The following TDRD6 variants were observed in gnomAD, a reference collection of about 807,000 sequenced individuals.
TDRD6 encodes tudor domain-containing protein 6.
TDRD6 carries 186 observed loss-of-function variants against 157.5 expected under a neutral mutation model. The ratio of observed to expected loss-of-function variants is 1.18; its 90% confidence interval spans 1.05 to 1.33. TDRD6 has a LOEUF of 1.33. Ranked by LOEUF, TDRD6 falls within the 40% of genes most tolerant of loss-of-function variation. The pLI, the probability that TDRD6 is intolerant of heterozygous loss-of-function variation, is 0.00. For missense variants in TDRD6, 3,066 were observed against 2,508.0 expected (o/e 1.22, Z -4.75); for synonymous variants, 1,075 against 945.2 (o/e 1.14, Z -2.52).
chr6:46,691,951 A>T lies in TDRD6; in HGVS notation c.3823A>T (p.Thr1275Ser). The change falls in exon 1 of 4, where the codon ACT becomes TCT. Residue 1275 changes from threonine to serine, a missense_variant. Transcript: ENST00000316081. Reference sequence around the variant, plus strand: ...CTTGAAAACAGCAAGAGTAGAAGCTACTCTTTCAGAGAGAAAAATAGGAGA... The same window carrying T: ...CTTGAAAACAGCAAGAGTAGAAGCTTCTCTTTCAGAGAGAAAAATAGGAGA... ...TPLKTARVEA[T>S]LSERKIGDSC... The T allele has an allele frequency of 6.2e-7, 1 of 1,612,368 alleles. No individual in the cohort carries two copies. The highest frequency in any genetic ancestry group is 8.5e-7 in the Non-Finnish European group (1 of 1,179,618).
chr6:46,696,577 GTGTGTATATA>G (rs1562060520), intron 2 of TDRD6, among the ~76,000 whole-genome samples: 4 of 47,236 alleles, frequency 8.5e-5, no homozygotes, highest in African/African-American at 3.5e-4. Flanking sequence ...GTGTGTGTGT[GTGTGTATATA>G]TATATATATA....
Position 46,690,045 on chromosome 6 carries a change from T to C in TDRD6, c.1917T>C (p.His639=). 7 of 1,614,038 alleles carry C rather than the reference T, an allele frequency of 4.3e-6. No individual in the cohort carries two copies. The highest frequency in any genetic ancestry group is 5.9e-6 in the Non-Finnish European group (7 of 1,179,980). The change falls in exon 1 of 4, where the codon CAT becomes CAC. Residue 639 remains histidine, a synonymous_variant. Coordinates refer to ENST00000316081, the MANE Select transcript of TDRD6 (RefSeq NM_001010870.3). The stretch of plus-strand genomic sequence containing the variant: ...TCCATATTCTTGATAAACAGGATCA[T>C]CAATATGTTATTGAGATTCTTGACG... ...LVIHILDKQD[H]QYVIEILDES...
chr6:46,688,017 G>T lies in TDRD6; in HGVS notation c.-112G>T, dbSNP rs1764152900. 7.3e-6 allele frequency: 10 copies of T among 1,373,656 alleles called. No homozygotes were observed. Among genetic ancestry groups the T allele is most frequent in the Admixed American group, 7.1e-5 (2 of 28,050 alleles). 85.1% of individuals were successfully genotyped at this position (1,373,656 alleles called of 1,614,324 possible). ...CGCCGGCATTCTTCCCCTCCACTGG[G>T]TCCTTTGAACCTAGTTTGGCTGGGA... On this transcript the variant is annotated 5_prime_UTR_variant, in exon 1 of 4. Transcript: ENST00000316081.
chr6:46,691,504 G>C lies in TDRD6; in HGVS notation c.3376G>C (p.Ala1126Pro), dbSNP rs1266024463. 2 of 1,614,014 alleles carry C rather than the reference G, an allele frequency of 1.2e-6. No homozygotes were observed. The highest frequency in any genetic ancestry group is 8.5e-7 in the Non-Finnish European group (1 of 1,179,944). The change falls in exon 1 of 4, where the codon GCT becomes CCT. Residue 1126 changes from alanine to proline, a missense_variant. By Grantham distance (27) the Ala-to-Pro change is conservative. Transcript: ENST00000316081. ...GACTATTTTAGATAAGTCATTGAAG[G>C]CTTTAGTTGTAGCAAAAGATCCAGA... ...QETILDKSLK[A>P]LVVAKDPDGT...
rs754858563 is a variant in TDRD6, at chr6:46,693,863, C to G, written c.5735C>G (p.Ala1912Gly). The change falls in exon 1 of 4, where the codon GCC becomes GGC. Residue 1912 changes from alanine (A) to glycine (G), a missense_variant. Ala to Gly is a moderately conservative substitution (Grantham distance 60, BLOSUM62 0). Transcript: ENST00000316081. ...EKQPELELPTAQLPLDDKMDP... is the reference protein window; with the variant it reads ...EKQPELELPTGQLPLDDKMDP... ...CAGCCAGAACTAGAACTACCTACAG[C>G]CCAGCTGCCTTTAGATGACAAGATG... is the stretch of plus-strand genomic sequence containing the variant. 2 of 1,614,188 alleles carry G rather than the reference C, an allele frequency of 1.2e-6. No homozygotes were observed. The highest frequency in any genetic ancestry group is 1.7e-6 in the Non-Finnish European group (2 of 1,180,034).
In TDRD6 at chr6:46,690,488, T is replaced by G; in HGVS notation, c.2360T>G (p.Phe787Cys). The change falls in exon 1 of 4, where the codon TTC (phenylalanine) becomes TGC (cysteine). Residue 787 changes from phenylalanine to cysteine, a missense_variant. Physicochemically the swap from Phe to Cys is radical, Grantham distance 205. Coordinates refer to ENST00000316081, the MANE Select transcript of TDRD6 (RefSeq NM_001010870.3). The stretch of plus-strand genomic sequence containing the variant: ...TCTTATGTTGAAAACCCTGGCTATT[T>G]CTGGTGTCAGCTGACCAGGAACATA... ...RVSYVENPGY[F>C]WCQLTRNIQG... is the part of the protein sequence containing the mutation. 1 of 1,614,096 alleles carries G rather than the reference T, an allele frequency of 6.2e-7. No individual in the cohort carries two copies. Among genetic ancestry groups the G allele is most frequent in the Non-Finnish European group, 8.5e-7 (1 of 1,179,954 alleles).
upstream of TDRD6, among the ~76,000 whole-genome samples, chr6:46,683,257 T>G (rs1266470570): frequency 6.6e-6 from 1 of 151,934 alleles, no homozygotes; most frequent in African/African-American, 2.4e-5. Context: ...CAATTGGATA[T>G]CCATATATAA....
In TDRD6 at chr6:46,688,931, A is replaced by G. The variant is rs1209620874; in HGVS notation, c.803A>G (p.Gln268Arg). The change falls in exon 1 of 4, where the codon CAG (glutamine) becomes CGG (arginine). Residue 268 changes from glutamine (Q) to arginine (R), a missense_variant. Coordinates refer to ENST00000316081, the MANE Select transcript of TDRD6 (RefSeq NM_001010870.3). ...TGCCATCCCCACCGCATTCACTGCC[A>G]GCTCCGCAGCGTCTCGCAGGAGATC... ...QVCHPHRIHC[Q>R]LRSVSQEIHR... 3.7e-6 allele frequency: 6 copies of G among 1,610,178 alleles called. No individual in the cohort carries two copies. Among genetic ancestry groups the G allele is most frequent in the Non-Finnish European group, 4.2e-6 (5 of 1,177,628 alleles).
chr6:46,697,879 C>G, intron 2 of TDRD6, 119 bp from the exon 3 acceptor site: 1 of 514,216 alleles, frequency 1.9e-6, no homozygotes, highest in Non-Finnish European at 3.3e-6. Context: ...TAGAGCAAGA[C>G]CCTATCTCAA....
At position 46,692,931 on chromosome 6, in the gene TDRD6, G is replaced by A. The variant is rs777908981; in HGVS notation, c.4803G>A (p.Arg1601=). The A allele has an allele frequency of 1.8e-5, 29 of 1,614,062 alleles. No individual in the cohort carries two copies. Among genetic ancestry groups the A allele is most frequent in the Middle Eastern group, 1.6e-4 (1 of 6,062 alleles). Residue 1601 remains arginine, a synonymous_variant, in exon 1 of 4, where the codon AGG becomes AGA. Coordinates refer to ENST00000316081, the MANE Select transcript of TDRD6 (RefSeq NM_001010870.3). ...GTGAAGATTATCTTGTATCTGTCAG[G>A]CTTGTGGACTTTGGAAACATTGAAG... The part of the protein sequence containing the change: ...NICEDYLVSV[R]LVDFGNIEDC...
chr6:46,698,675 A>G (rs988785611), intron 3 of TDRD6, among the ~76,000 whole-genome samples: 3 of 152,188 alleles, frequency 2.0e-5, no homozygotes, highest in African/African-American at 7.2e-5. Context: ...TGATAGTTTT[A>G]ATATCTGGTC....
Position 46,692,303 on chromosome 6 carries a change from A to G in TDRD6, c.4175A>G (p.Asn1392Ser), listed in dbSNP as rs760091331. Residue 1392 changes from asparagine (N) to serine (S), a missense_variant, in exon 1 of 4, where the codon AAT becomes AGT. Asn to Ser is a conservative substitution (Grantham distance 46, BLOSUM62 1). Transcript: ENST00000316081. ...LLSVQFIDYG[N>S]VSVVHTNKIG... The stretch of plus-strand genomic sequence containing the variant: ...TCTGTGCAGTTTATAGATTATGGCA[A>G]TGTTTCTGTGGTTCATACTAACAAA... The G allele has an allele frequency of 3.7e-6, 6 of 1,614,140 alleles. No homozygotes were observed. Among genetic ancestry groups the G allele is most frequent in the East Asian group, 2.2e-5 (1 of 44,870 alleles).
Position 46,689,773 on chromosome 6 carries a change from G to T in TDRD6, c.1645G>T (p.Glu549Ter). The change falls in exon 1 of 4, where the codon GAA (glutamate) becomes TAA (stop). Residue 549 changes from glutamate (E) to a stop codon, truncating the protein, a stop_gained. Coordinates refer to ENST00000316081, the MANE Select transcript of TDRD6 (RefSeq NM_001010870.3). LOFTEE classifies it high-confidence loss of function. ...TGACCTTTGCTGTGTCAAGTGGAAA[G>T]AAAATGGTTATTATAGGGCCATAGT... ...PDDLCCVKWK[E>*]NGYYRAIVTK... 1 of 1,614,226 alleles carries T rather than the reference G, an allele frequency of 6.2e-7. No individual in the cohort carries two copies. The highest frequency in any genetic ancestry group is 8.5e-7 in the Non-Finnish European group (1 of 1,180,046).
chr6:46,700,256 G>A lies in TDRD6; in HGVS notation c.6262-1602G>A, dbSNP rs145175055. On this transcript the variant is annotated intron_variant, in intron 3 of 3. Transcript: ENST00000316081. ...ATAAGTAAATAGATAACTACCTCTG[G>A]CTTTGACTAGGCCAGTTAGCAGACA... Among the ~76,000 whole-genome samples, 557 of 152,232 alleles carry A rather than the reference G, an allele frequency of 3.7e-3. 5 individuals are homozygous for A. Among genetic ancestry groups the A allele is most frequent in the African/African-American group, 0.013 (530 of 41,542 alleles).
rs1165561412 is a variant in TDRD6 at position 46,689,902 on chromosome 6, C to T, written c.1774C>T (p.Gln592Ter). Residue 592 changes from glutamine (Q) to a stop codon, truncating the protein, a stop_gained, in exon 1 of 4, where the codon CAG becomes TAG. Transcript: ENST00000316081. LOFTEE classifies it high-confidence loss of function. ...DVRMLLPQFRQLPILAVKCTL... is the reference protein window; with the variant it reads ...DVRMLLPQFR ...AAGGATGCTGCTTCCTCAGTTTAGG[C>T]AGCTACCAATATTGGCTGTGAAGTG... is the stretch of plus-strand genomic sequence containing the variant. The T allele has an allele frequency of 6.2e-7, 1 of 1,614,180 alleles. No homozygotes were observed. Among genetic ancestry groups the T allele is most frequent in the African/African-American group, 1.3e-5 (1 of 75,036 alleles).
At chr6:46,701,306 T>C (rs1004340832) in intron 3 of TDRD6, among the ~76,000 whole-genome samples, 14 of 152,184 alleles carry the variant, frequency 9.2e-5, no homozygotes, top group Admixed American at 7.9e-4. Flanking sequence ...AGTTAAATTA[T>C]GAATGTGATA....
intron 3 of TDRD6, chr6:46,700,898 G>GTTTACATC: frequency 1.3e-5 from 4 of 301,682 alleles, no homozygotes; most frequent in Middle Eastern, 8.6e-4. Context: ...ACATTTTGTT[G>GTTTACATC]TTTACATCTT....
rs74764753 is a variant in TDRD6 at position 46,687,980 on chromosome 6, G to A, written c.-149G>A. ...GAGGACCCTCGACGGGGGAGTTGCC[G>A]AGAAAAGGCCTCGCCGGCATTCTTC... On this transcript the variant is annotated 5_prime_UTR_variant, in exon 1 of 4. Coordinates refer to ENST00000316081, the MANE Select transcript of TDRD6 (RefSeq NM_001010870.3). The A allele has an allele frequency of 2.4e-3, 3,003 of 1,273,022 alleles. 61 individuals carry two copies. The African/African-American group carries it at 0.042, about 18-fold the overall frequency. 78.9% of individuals were successfully genotyped at this position (1,273,022 alleles called of 1,614,324 possible).
In TDRD6 at chr6:46,691,129, T is replaced by C; in HGVS notation, c.3001T>C (p.Phe1001Leu). The C allele has an allele frequency of 6.2e-7, 1 of 1,613,850 alleles. No individual in the cohort carries two copies. Among genetic ancestry groups the C allele is most frequent in the Non-Finnish European group, 8.5e-7 (1 of 1,179,902 alleles). ...AACGCATATTGATGACCCTTGGACA[T>C]TTTATTGCCAGCTGGCAAGAAATGC... Reference protein sequence around the residue: ...YITHIDDPWTFYCQLARNANI... With the variant: ...YITHIDDPWTLYCQLARNANI... The change falls in exon 1 of 4, where the codon TTT (phenylalanine) becomes CTT (leucine). Residue 1001 changes from phenylalanine to leucine, a missense_variant. Coordinates refer to ENST00000316081, the MANE Select transcript of TDRD6 (RefSeq NM_001010870.3).
Sources: gnomAD v4.1 joint callset for allele counts (sites outside exome capture counted in the v4.1 genomes callset) on GRCh38, gnomAD v4.1.1 for gene constraint, MANE v1.5 for transcripts, NCBI Gene and HGNC (gene_info 2026-07-23, HGNC 2026-07-21) for gene names.